Variants in KIF6 observed in about 807,000 individuals in gnomAD.
KIF6 encodes kinesin family member 6, also known as kinesin-like protein KIF6.
A neutral mutation model predicts 112.7 loss-of-function variants in KIF6; 106 were observed. That is an observed-to-expected ratio of 0.94 (90% CI 0.80 to 1.11). KIF6 has a LOEUF of 1.11. Among genes scored for constraint, KIF6 ranks in the 50% least tolerant of loss-of-function variants. The pLI, the probability that KIF6 is intolerant of heterozygous loss-of-function variation, is 0.00. For missense variants in KIF6, 929 were observed against 964.0 expected (o/e 0.96, Z 0.48); for synonymous variants, 339 against 339.9 (o/e 1.00, Z 0.03).
At chr6:39,712,183 G>T (rs1416520953) in intron 3 of KIF6, among the ~76,000 whole-genome samples, 3 of 152,094 alleles carry the variant, frequency 2.0e-5, no homozygotes, top group African/African-American at 7.2e-5. Flanking sequence ...AAGAACTGTG[G>T]GTTTAGCTAA....
chr6:39,419,926 T>C (rs1770228314), intron 15 of KIF6, 22 bp downstream of exon 15: 1 of 1,598,006 alleles, frequency 6.3e-7, no homozygotes, highest in Non-Finnish European at 8.6e-7. Flanking sequence ...TGAAAGAGGC[T>C]CACAGAATAT....
intron 13 of KIF6, among the ~76,000 whole-genome samples, chr6:39,478,186 G>C (rs947959264): frequency 2.0e-5 from 3 of 150,618 alleles, no homozygotes; most frequent in Middle Eastern, 3.4e-3. Context: ...TATTTTATCT[G>C]TTACCCCCCT....
At chr6:39,456,679 T>C (rs1773134197) in intron 13 of KIF6, among the ~76,000 whole-genome samples, 1 of 100,656 alleles carries the variant, frequency 9.9e-6, no homozygotes, top group Non-Finnish European at 1.8e-5. Flanking sequence ...GAGGAAGATC[T>C]ACCAAGCCAA....
At chr6:39,514,536 C>T (rs914649608) in intron 13 of KIF6, among the ~76,000 whole-genome samples, 4 of 152,192 alleles carry the variant, frequency 2.6e-5, no homozygotes, top group Non-Finnish European at 5.9e-5. Flanking sequence ...CATACATGTA[C>T]ATAAAATGTG....
At chr6:39,478,037 A>G (rs1233330723) in intron 13 of KIF6, among the ~76,000 whole-genome samples, 1 of 152,090 alleles carries the variant, frequency 6.6e-6, no homozygotes, top group African/African-American at 2.4e-5. Context: ...TGATTTTATT[A>G]TTTTTTAAAA....
chr6:39,674,339 C>T (rs185862261), intron 3 of KIF6, among the ~76,000 whole-genome samples: 4 of 152,216 alleles, frequency 2.6e-5, no homozygotes, highest in African/African-American at 7.2e-5. Context: ...ATAGATCAGT[C>T]GTGTAGAAGT....
intron 13 of KIF6, among the ~76,000 whole-genome samples, chr6:39,515,206 G>C (rs1343972819): frequency 6.6e-6 from 1 of 152,154 alleles, no homozygotes; most frequent in African/African-American, 2.4e-5. Context: ...AGACAGAAAG[G>C]CTTTTTCACA....
At position 39,615,397 on chromosome 6, in the gene KIF6, G is replaced by A. The variant is rs75110586; in HGVS notation, c.510-2079C>T. On this transcript the variant is annotated intron_variant, in intron 5 of 22. Transcript: ENST00000287152. ...TTCAAAGGTGGTGCATACACTCATT[G>A]GGCACTAAATGTACGTCAGGCACTT... Among the ~76,000 whole-genome samples, 1,176 of 152,208 alleles carry A rather than the reference G, an allele frequency of 7.7e-3. 19 individuals are homozygous for A. The highest frequency in any genetic ancestry group is 0.027 in the African/African-American group (1,117 of 41,510).
At chr6:39,686,174 C>A (rs1282379845) in intron 3 of KIF6, among the ~76,000 whole-genome samples, 4 of 152,128 alleles carry the variant, frequency 2.6e-5, no homozygotes, top group Admixed American at 2.6e-4. Context: ...TTGAATAAAT[C>A]ATATTTTGTA....
chr6:39,635,278 C>T (rs1784567381), intron 4 of KIF6, among the ~76,000 whole-genome samples: 1 of 151,852 alleles, frequency 6.6e-6, no homozygotes, highest in Admixed American at 6.6e-5. Context: ...ATTTTTTTTA[C>T]TTTCCAGACC....
intron 10 of KIF6, among the ~76,000 whole-genome samples, chr6:39,562,342 T>C (rs4714258): frequency 0.24 from 36,932 of 152,102 alleles, 5,435 homozygotes; most frequent in African/African-American, 0.39. Flanking sequence ...GGATACGTTT[T>C]CCTACCAGAG....
intron 13 of KIF6, among the ~76,000 whole-genome samples, chr6:39,487,521 A>G (rs1443212457): frequency 6.6e-6 from 1 of 152,210 alleles, no homozygotes; most frequent in Non-Finnish European, 1.5e-5. Context: ...TTCACAGTCT[A>G]GCTTCTCTCT....
At chr6:39,653,556 T>A (rs762977559) in intron 3 of KIF6, among the ~76,000 whole-genome samples, 8 of 152,222 alleles carry the variant, frequency 5.3e-5, no homozygotes, top group Non-Finnish European at 1.0e-4. Flanking sequence ...TTTCCTTTGA[T>A]GCCTGACATC....
intron 16 of KIF6, among the ~76,000 whole-genome samples, chr6:39,368,036 A>C (rs552710140): frequency 3.9e-5 from 6 of 152,328 alleles, no homozygotes; most frequent in African/African-American, 1.4e-4. Flanking sequence ...TCTGTGCAGA[A>C]GTTACTGAGA....
At chr6:39,362,539 T>A (rs1312045445) in intron 16 of KIF6, 21 bp from the exon 17 acceptor site, 2 of 1,552,644 alleles carry the variant, frequency 1.3e-6, no homozygotes, top group Admixed American at 3.3e-5. Context: ...AAGGTGCCAA[T>A]GGGATGGTGA....
At chr6:39,397,978 C>T (rs866644200) in intron 15 of KIF6, among the ~76,000 whole-genome samples, 1 of 152,146 alleles carries the variant, frequency 6.6e-6, no homozygotes, top group African/African-American at 2.4e-5. Flanking sequence ...AAATAATTTA[C>T]AAGCTTCAGG....
intron 3 of KIF6, among the ~76,000 whole-genome samples, chr6:39,700,231 T>C (rs561100736): frequency 6.6e-6 from 1 of 152,354 alleles, no homozygotes; most frequent in East Asian, 1.9e-4. Flanking sequence ...TGCTATTCAA[T>C]AGTAGGTCTT....
chr6:39,576,449 C>T (rs1263428701), intron 10 of KIF6, among the ~76,000 whole-genome samples: 2 of 152,156 alleles, frequency 1.3e-5, no homozygotes, highest in Non-Finnish European at 2.9e-5. Context: ...GACTCAGTTT[C>T]CCCCTTCCCA....
At chr6:39,611,480 G>A (rs149127740) in intron 6 of KIF6, among the ~76,000 whole-genome samples, 3 of 152,258 alleles carry the variant, frequency 2.0e-5, no homozygotes, top group African/African-American at 7.2e-5. Flanking sequence ...AAGCTTTTAA[G>A]CTACTGGAGA....
Sources: allele counts gnomAD v4.1 joint callset (sites outside exome capture counted in the v4.1 genomes callset), GRCh38; gene constraint gnomAD v4.1.1; transcripts MANE v1.5; gene names NCBI Gene and HGNC (gene_info 2026-07-23, HGNC 2026-07-21).